GRIN3A: variants seen among roughly 807,000 people sequenced by gnomAD.
The protein encoded by GRIN3A is glutamate receptor ionotropic, NMDA 3A.
A neutral mutation model predicts 92.4 loss-of-function variants in GRIN3A; 47 were observed. The observed-to-expected ratio is 0.51, with a 90% confidence interval of 0.40 to 0.65. The LOEUF (loss-of-function observed/expected upper bound fraction) is 0.65, where lower values mean the gene tolerates loss of function less well. GRIN3A is among the 30% of genes least tolerant of loss of function. The pLI is 0.00. For synonymous variants in GRIN3A, 527 were observed against 540.6 expected, an observed-to-expected ratio of 0.97 and a Z score of 0.35; for missense variants, 1,324 against 1,393.1, an observed-to-expected ratio of 0.95 and a Z score of 0.79.
chr9:101,602,892 C>T (rs924418467), intron 6 of GRIN3A: 4 of 152,116 alleles, frequency 2.6e-5, no homozygotes, highest in Non-Finnish European at 5.9e-5. Flanking sequence ...AGGTCTTGGG[C>T]CTGTTCACAC....
intron 1 of GRIN3A, among the ~76,000 whole-genome samples, chr9:101,716,557 T>A (rs1829950678): frequency 6.6e-6 from 1 of 152,208 alleles, no homozygotes; most frequent in African/African-American, 2.4e-5. Flanking sequence ...TTCTTTCTTG[T>A]CTCTTGCTTT....
chr9:101,595,650 C>T (rs1237269164), intron 6 of GRIN3A, among the ~76,000 whole-genome samples: 2 of 152,218 alleles, frequency 1.3e-5, no homozygotes, highest in Non-Finnish European at 2.9e-5. Context: ...CGCAGAATTT[C>T]TTACATGGAT....
chr9:101,632,260 T>C (rs1828725022), intron 3 of GRIN3A, among the ~76,000 whole-genome samples: 2 of 152,194 alleles, frequency 1.3e-5, no homozygotes, highest in South Asian at 4.1e-4. Flanking sequence ...TGTAACACCC[T>C]CCCATTATAC....
At chr9:101,692,443 C>G (rs570774768) in intron 1 of GRIN3A, among the ~76,000 whole-genome samples, 1 of 152,224 alleles carries the variant, frequency 6.6e-6, no homozygotes, top group Admixed American at 6.5e-5. Flanking sequence ...ACAGGATTGC[C>G]TGCAGGAAAG....
chr9:101,570,920 G>A lies in GRIN3A; in HGVS notation c.*2254C>T, dbSNP rs1827750235. The A allele has an allele frequency of 6.6e-6, 1 of 152,598 alleles. No homozygotes were observed. The highest frequency in any genetic ancestry group is 1.5e-5 in the Non-Finnish European group (1 of 68,034). The allele number at this position is 152,598 out of a possible 1,614,324, so 9.5% of individuals were successfully genotyped here. ...AGAATATGAGCTGAGTTACAAAAAT[G>A]TCCATGTACATTAGGAGCATGGCTG... On this transcript the variant is annotated 3_prime_UTR_variant, in exon 9 of 9. Transcript: ENST00000361820.
At chr9:101,598,954 A>AT (rs1240061266) in intron 6 of GRIN3A, among the ~76,000 whole-genome samples, 1 of 152,206 alleles carries the variant, frequency 6.6e-6, no homozygotes, top group African/African-American at 2.4e-5. Flanking sequence ...CTTGATAGTC[A>AT]TTTAGAAAGG....
In GRIN3A at chr9:101,665,964, T is replaced by C. The variant is rs1027613649; in HGVS notation, c.2352+4096A>G. ...TGAATCTGCCTCTATTTTTTTCTGA[T>C]AACCACTGACAAGAAGGTAGGCATA... On this transcript the variant is annotated intron_variant, in intron 3 of 8. Coordinates refer to ENST00000361820, the MANE Select transcript of GRIN3A (RefSeq NM_133445.3). 3.3e-5 allele frequency among the ~76,000 whole-genome samples: 5 copies of C among 151,958 alleles called. No individual in the cohort carries two copies. In the East Asian group the frequency reaches 7.8e-4, roughly 24 times the overall value.
chr9:101,686,593 T>C lies in GRIN3A; in HGVS notation c.1304+3A>G, dbSNP rs767838700. 1.9e-6 allele frequency: 3 copies of C among 1,614,092 alleles called. No individual in the cohort carries two copies. The highest frequency in any genetic ancestry group is 3.3e-5 in the Admixed American group (2 of 60,006). On this transcript the variant is annotated splice_donor_region_variant and intron_variant, in intron 2 of 8. Coordinates refer to ENST00000361820, the MANE Select transcript of GRIN3A (RefSeq NM_133445.3). Reference sequence around the variant, plus strand: ...GGGATATAACCGAGACCTTGCATCCTACCTTGATAAATATTGTCCTGAAGT... The same window carrying C: ...GGGATATAACCGAGACCTTGCATCCCACCTTGATAAATATTGTCCTGAAGT...
intron 1 of GRIN3A, among the ~76,000 whole-genome samples, chr9:101,697,575 G>C (rs550252696): frequency 1.3e-5 from 2 of 152,262 alleles, no homozygotes; most frequent in East Asian, 3.9e-4. Flanking sequence ...GTTTCATCTG[G>C]CCCTTGTTGT....
intron 1 of GRIN3A, among the ~76,000 whole-genome samples, chr9:101,722,894 C>A (rs529339491): frequency 5.6e-4 from 85 of 152,184 alleles, no homozygotes; most frequent in African/African-American, 1.8e-3. Flanking sequence ...TGGGTTAATG[C>A]TGAAATGAGT....
chr9:101,617,026 C>T (rs2118855855), intron 5 of GRIN3A, among the ~76,000 whole-genome samples: 1 of 150,700 alleles, frequency 6.6e-6, no homozygotes, highest in South Asian at 2.1e-4. Flanking sequence ...CGGTGAAACC[C>T]CGTCTCTACT....
chr9:101,597,470 TC>T (rs758382939), intron 6 of GRIN3A, among the ~76,000 whole-genome samples: 3 of 152,200 alleles, frequency 2.0e-5, no homozygotes, highest in Admixed American at 2.0e-4. Context: ...CATTTTGAAC[TC>T]CCTTCAGTTT....
intron 6 of GRIN3A, chr9:101,591,833 AGTAG>A (rs1828030659): frequency 6.6e-6 from 1 of 152,202 alleles, no homozygotes; most frequent in African/African-American, 2.4e-5. Flanking sequence ...AACTATCTTG[AGTAG>A]ATTTATTGAA....
chr9:101,708,797 C>T (rs1829840680), intron 1 of GRIN3A, among the ~76,000 whole-genome samples: 1 of 152,186 alleles, frequency 6.6e-6, no homozygotes, highest in Non-Finnish European at 1.5e-5. Context: ...ATGCTAACAT[C>T]TCCCAGATGT....
rs768562470 is a variant in GRIN3A, at chr9:101,671,081, C to T, written c.1331G>A (p.Gly444Asp). 6.2e-7 allele frequency: 1 copy of T among 1,613,518 alleles called. No homozygotes were observed. The highest frequency in any genetic ancestry group is 8.5e-7 in the Non-Finnish European group (1 of 1,179,526). ...SRFLANTTFR[G>D]LSGSIRVKGS... ...TTTTACTCTGATGGAACCACTGAGG[C>T]CTCTGAAAGTGGTATTGGCTAGAAA... is the stretch of plus-strand genomic sequence containing the variant. The change falls in exon 3 of 9, where the codon GGC (glycine) becomes GAC (aspartate). Residue 444 changes from glycine to aspartate, a missense_variant. Transcript: ENST00000361820.
chr9:101,650,694 CTA>C (rs1482774989), intron 3 of GRIN3A, among the ~76,000 whole-genome samples: 4 of 152,010 alleles, frequency 2.6e-5, no homozygotes, highest in African/African-American at 9.7e-5. Context: ...GTGGTAACAA[CTA>C]TACGTGAGGA....
At position 101,633,210 on chromosome 9, in the gene GRIN3A, A is replaced by G. The variant is rs1229172600; in HGVS notation, c.2353-4809T>C. Among the ~76,000 whole-genome samples the G allele has an allele frequency of 3.3e-5, 5 of 152,324 alleles. No homozygotes were observed. The East Asian group carries it at 9.6e-4, about 29-fold the overall frequency. ...TCCCAGTGCTGAGTATACTCATTTA[A>G]GGTCTTCATCTGTACCCATCTGAGA... On this transcript the variant is annotated intron_variant, in intron 3 of 8. Coordinates refer to ENST00000361820, the MANE Select transcript of GRIN3A (RefSeq NM_133445.3).
intron 3 of GRIN3A, among the ~76,000 whole-genome samples, chr9:101,664,866 T>C (rs1405986613): frequency 1.3e-5 from 2 of 151,980 alleles, no homozygotes; most frequent in African/African-American, 4.8e-5. Context: ...ATGGAGCTAT[T>C]ACATTCATTG....
chr9:101,671,904 C>A (rs1829332075), intron 2 of GRIN3A, among the ~76,000 whole-genome samples: 1 of 152,148 alleles, frequency 6.6e-6, no homozygotes. Context: ...TGATTCCTAA[C>A]CCTGTGAACT....
Sources: allele counts gnomAD v4.1 joint callset (sites outside exome capture counted in the v4.1 genomes callset), GRCh38; gene constraint gnomAD v4.1.1; transcripts MANE v1.5; gene names NCBI Gene and HGNC (gene_info 2026-07-23, HGNC 2026-07-21).